The following SSBP2 variants were observed in gnomAD, a reference collection of about 807,000 sequenced individuals.
SSBP2 encodes single-stranded DNA-binding protein 2.
SSBP2 carries 17 observed loss-of-function variants against 61.8 expected under a neutral mutation model. That is an observed-to-expected ratio of 0.28 (90% CI 0.19 to 0.41). The LOEUF is 0.41. Among genes scored for constraint, SSBP2 ranks in the 10% least tolerant of loss-of-function variants. The pLI, the probability that SSBP2 is intolerant of heterozygous loss-of-function variation, is 1.00. For missense variants in SSBP2, 310 were observed against 458.7 expected (o/e 0.68, Z 2.96); for synonymous variants, 139 against 141.3 (o/e 0.98, Z 0.12).
chr5:81,730,477 G>A (rs574014306), intron 1 of SSBP2, among the ~76,000 whole-genome samples: 33 of 152,152 alleles, frequency 2.2e-4, no homozygotes, highest in South Asian at 1.7e-3. Flanking sequence ...CACCTGCCTC[G>A]GCCTCCCAAA....
At chr5:81,737,292 G>GT (rs1413037115) in intron 1 of SSBP2, among the ~76,000 whole-genome samples, 1 of 78,840 alleles carries the variant, frequency 1.3e-5, no homozygotes, top group Non-Finnish European at 2.3e-5. Flanking sequence ...AATTCTCCAA[G>GT]TTAAAAAAAA....
intron 4 of SSBP2, among the ~76,000 whole-genome samples, chr5:81,548,653 T>C (rs1771934002): frequency 6.6e-6 from 1 of 152,232 alleles, no homozygotes; most frequent in Non-Finnish European, 1.5e-5. Flanking sequence ...CCAGGCACAG[T>C]GGCTCACGCC....
At chr5:81,532,697 GA>G (rs1162899801) in intron 4 of SSBP2, among the ~76,000 whole-genome samples, 1 of 151,652 alleles carries the variant, frequency 6.6e-6, no homozygotes, top group African/African-American at 2.4e-5. Flanking sequence ...TAATGGCATA[GA>G]AAAGAATATA....
intron 4 of SSBP2, among the ~76,000 whole-genome samples, chr5:81,519,987 CTCT>C (rs749425646): frequency 1.3e-5 from 2 of 150,116 alleles, no homozygotes; most frequent in African/African-American, 4.9e-5. Flanking sequence ...ATTTTCCCCC[CTCT>C]TTTTTTTTTT....
At position 81,489,319 on chromosome 5, in the gene SSBP2, TA is replaced by T; in HGVS notation, c.373-11del. On this transcript the variant is annotated splice_polypyrimidine_tract_variant and intron_variant, in intron 5 of 16. Coordinates refer to ENST00000320672, the MANE Select transcript of SSBP2 (RefSeq NM_012446.5). ...GAGGTGACATAAAAGGCTATTGAAGTAAAACAAATAAACAAACAAAACAAAA... is the reference window on the plus strand; with the variant it reads ...GAGGTGACATAAAAGGCTATTGAAGTAAACAAATAAACAAACAAAACAAAA... 2 of 1,596,098 alleles carry T rather than the reference TA, an allele frequency of 1.3e-6. No individual in the cohort carries two copies. The highest frequency in any genetic ancestry group is 1.7e-6 in the Non-Finnish European group (2 of 1,174,894).
chr5:81,562,013 T>A (rs1424595954), intron 4 of SSBP2, among the ~76,000 whole-genome samples: 1 of 151,950 alleles, frequency 6.6e-6, no homozygotes, highest in Non-Finnish European at 1.5e-5. Flanking sequence ...CAAGCGATTC[T>A]CCTGTCTCAG....
chr5:81,550,445 AT>A (rs926768445), intron 4 of SSBP2, among the ~76,000 whole-genome samples: 27 of 152,090 alleles, frequency 1.8e-4, no homozygotes, highest in African/African-American at 3.6e-4. Flanking sequence ...TAAAATACTC[AT>A]TTTTTTTACC....
intron 4 of SSBP2, among the ~76,000 whole-genome samples, chr5:81,584,389 T>C (rs2153486035): frequency 6.6e-6 from 1 of 152,316 alleles, no homozygotes; most frequent in Admixed American, 6.5e-5. Context: ...GCACTAGGCA[T>C]TCATAATTTT....
chr5:81,643,300 G>T (rs549807186), intron 2 of SSBP2, among the ~76,000 whole-genome samples: 1 of 152,092 alleles, frequency 6.6e-6, no homozygotes, highest in South Asian at 2.1e-4. Flanking sequence ...GAAGGTGATG[G>T]GTTCCAAACT....
chr5:81,427,474 A>C (rs996977569), intron 16 of SSBP2, among the ~76,000 whole-genome samples: 1 of 152,206 alleles, frequency 6.6e-6, no homozygotes, highest in African/African-American at 2.4e-5. Context: ...TCCCATGTGG[A>C]TATCAGAACT....
At chr5:81,505,233 A>G (rs1359767798) in intron 5 of SSBP2, among the ~76,000 whole-genome samples, 1 of 152,218 alleles carries the variant, frequency 6.6e-6, no homozygotes, top group Non-Finnish European at 1.5e-5. Flanking sequence ...TTATGCTACA[A>G]CCCAGTTGAG....
At chr5:81,520,382 A>C (rs1769377421) in intron 4 of SSBP2, among the ~76,000 whole-genome samples, 1 of 152,178 alleles carries the variant, frequency 6.6e-6, no homozygotes, top group African/African-American at 2.4e-5. Flanking sequence ...TGGTGTTCAC[A>C]ATTTTTTTCT....
At chr5:81,461,519 C>A (rs1014459631) in intron 9 of SSBP2, among the ~76,000 whole-genome samples, 3 of 151,486 alleles carry the variant, frequency 2.0e-5, no homozygotes, top group African/African-American at 7.3e-5. Flanking sequence ...TGTAAAACAT[C>A]AATATATGTA....
chr5:81,543,215 C>T (rs546748918), intron 4 of SSBP2, among the ~76,000 whole-genome samples: 38 of 152,168 alleles, frequency 2.5e-4, no homozygotes, highest in African/African-American at 7.7e-4. Context: ...CCTTCCACCA[C>T]GATTGTAAGT....
At chr5:81,548,793 G>A (rs1332901444) in intron 4 of SSBP2, among the ~76,000 whole-genome samples, 1 of 152,116 alleles carries the variant, frequency 6.6e-6, no homozygotes, top group Non-Finnish European at 1.5e-5. Flanking sequence ...GTGGTGGTGG[G>A]CACCTGTAGT....
chr5:81,689,209 T>G (rs902762312), intron 1 of SSBP2, among the ~76,000 whole-genome samples: 2 of 151,766 alleles, frequency 1.3e-5, no homozygotes, highest in Non-Finnish European at 1.5e-5. Flanking sequence ...AAGAATAAAG[T>G]ATGCTTACAG....
chr5:81,451,995 T>A (rs557216317), intron 10 of SSBP2, among the ~76,000 whole-genome samples: 16 of 152,294 alleles, frequency 1.1e-4, no homozygotes, highest in Non-Finnish European at 1.6e-4. Flanking sequence ...AGAAGTACCA[T>A]GTGAGTACAG....
At chr5:81,739,835 T>C (rs1200359724) in intron 1 of SSBP2, among the ~76,000 whole-genome samples, 1 of 152,222 alleles carries the variant, frequency 6.6e-6, no homozygotes, top group African/African-American at 2.4e-5. Flanking sequence ...TATTATTCTG[T>C]ACAATTCTAT....
chr5:81,549,176 A>T (rs1771982221), intron 4 of SSBP2, among the ~76,000 whole-genome samples: 1 of 152,176 alleles, frequency 6.6e-6, no homozygotes, highest in South Asian at 2.1e-4. Flanking sequence ...AATGTTGAAG[A>T]CTTAGTTCAA....
Sources: gnomAD v4.1 joint callset for allele counts (sites outside exome capture counted in the v4.1 genomes callset) on GRCh38, gnomAD v4.1.1 for gene constraint, MANE v1.5 for transcripts, NCBI Gene and HGNC (gene_info 2026-07-23, HGNC 2026-07-21) for gene names.